Variants in MAPK10 observed in about 807,000 individuals in gnomAD.
The protein encoded by MAPK10 is mitogen-activated protein kinase 10, also known as JNK3 alpha protein kinase.
MAPK10 carries 25 observed loss-of-function variants against 59.3 expected under a neutral mutation model. The observed-to-expected ratio is 0.42, with a 90% CI of 0.31 to 0.59. The LOEUF (loss-of-function observed/expected upper bound fraction) is 0.59, where lower values mean the gene tolerates loss of function less well. Among genes scored for constraint, MAPK10 ranks in the 20% least tolerant of loss-of-function variants. MAPK10 has a pLI of 0.15. For missense variants in MAPK10, 351 were observed against 568.9 expected, an observed-to-expected ratio of 0.62 and a Z score of 3.90; for synonymous variants, 190 against 200.5, an observed-to-expected ratio of 0.95 and a Z score of 0.44.
intron 2 of MAPK10, chr4:86,326,880 T>C (rs1423873271): frequency 6.6e-6 from 1 of 152,220 alleles, no homozygotes; most frequent in African/African-American, 2.4e-5. Flanking sequence ...TTGTTCCTTG[T>C]TATATTACTT....
intron 9 of MAPK10, chr4:86,090,735 T>C (rs1433820442): frequency 1.3e-5 from 2 of 152,294 alleles, no homozygotes; most frequent in African/African-American, 4.8e-5. Flanking sequence ...TTGCTATTTA[T>C]GGATTATCTA....
In MAPK10 at chr4:86,017,478, T is replaced by C. The variant is rs890928466; in HGVS notation, c.1253-108A>G. The stretch of plus-strand genomic sequence containing the variant: ...AATACAATAGGGGATGTCCAGTCCA[T>C]CAATCATTTGGCAAGCCTTTATAGA... On this transcript the variant is annotated intron_variant, in intron 13 of 13. Coordinates refer to ENST00000641462, the MANE Select transcript of MAPK10 (RefSeq NM_138982.4). This position sits in a 1 kb window ranked among gnomAD's most constrained non-coding sequence, Gnocchi z 4.4. The C allele has an allele frequency of 6.4e-6, 8 of 1,244,060 alleles. No individual in the cohort carries two copies. The Admixed American group carries it at 1.2e-4, about 18-fold the overall frequency. 77.1% of individuals were successfully genotyped at this position (1,244,060 alleles called of 1,614,324 possible).
At chr4:86,268,164 T>G (rs983760466) in intron 2 of MAPK10, 1 of 152,182 alleles carries the variant, frequency 6.6e-6, no homozygotes, top group African/African-American at 2.4e-5. Flanking sequence ...TCTCTTTAAA[T>G]AGCCACATTA....
chr4:86,544,225 T>C (rs1758964573), intron 1 of MAPK10, among the ~76,000 whole-genome samples: 1 of 152,154 alleles, frequency 6.6e-6, no homozygotes. Context: ...ACTAGTATAA[T>C]AGCTAAGCAG....
intron 1 of MAPK10, among the ~76,000 whole-genome samples, chr4:86,499,227 G>A (rs1002749545): frequency 4.6e-5 from 7 of 152,086 alleles, no homozygotes; most frequent in Admixed American, 4.6e-4. Flanking sequence ...TAGAGCACAG[G>A]ATAAAAAGTT....
At chr4:86,462,159 C>T (rs1002920939) in intron 1 of MAPK10, among the ~76,000 whole-genome samples, 1 of 152,182 alleles carries the variant, frequency 6.6e-6, no homozygotes, top group East Asian at 1.9e-4. Context: ...CCTAGGGAAC[C>T]CCCACAAAAG....
At chr4:86,130,388 G>T (rs1199244425) in intron 4 of MAPK10, among the ~76,000 whole-genome samples, 1 of 151,934 alleles carries the variant, frequency 6.6e-6, no homozygotes, top group Non-Finnish European at 1.5e-5. Flanking sequence ...TGTACTCAAA[G>T]AACTATACCA....
chr4:86,107,099 A>T, intron 5 of MAPK10, 124 bp downstream of exon 5: 3 of 704,178 alleles, frequency 4.3e-6, no homozygotes, highest in Non-Finnish European at 7.1e-6. Flanking sequence ...TTGGCAGGAT[A>T]AACAATCTTA....
Position 86,359,836 on chromosome 4 carries a change from C to T in MAPK10, c.-300G>A. 3 of 985,628 alleles carry T rather than the reference C, an allele frequency of 3.0e-6. No homozygotes were observed. Among genetic ancestry groups the T allele is most frequent in the Non-Finnish European group, 3.6e-6 (3 of 829,926 alleles). The allele number at this position is 985,628 out of a possible 1,614,324, so 61.1% of individuals were successfully genotyped here. On this transcript the variant is annotated 5_prime_UTR_variant, in exon 1 of 14. The change creates a new upstream start codon in the 5' untranslated region. Transcript: ENST00000641462. ...CCAAGAAAACCCAATCTTAAACTCA[C>T]TCAAGCCCCTAGGAATTGAGGGGTG... is the stretch of plus-strand genomic sequence containing the variant.
chr4:86,360,021 C>A lies in MAPK10; in HGVS notation c.-485G>T. On this transcript the variant is annotated 5_prime_UTR_variant, in exon 1 of 14. An upstream start codon of the reference 5' UTR is lost. Coordinates refer to ENST00000641462, the MANE Select transcript of MAPK10 (RefSeq NM_138982.4). ...TCACCCTCTTTCACTGCCTGGAAAC[C>A]ATTGTGCAGCGTGATGCTGCCTGTA... The A allele has an allele frequency of 1.0e-6, 1 of 985,814 alleles. No individual in the cohort carries two copies. Among genetic ancestry groups the A allele is most frequent in the Non-Finnish European group, 1.2e-6 (1 of 829,956 alleles). 61.1% of individuals were successfully genotyped at this position (985,814 alleles called of 1,614,324 possible). A position where few individuals can be genotyped will look rare whatever the true frequency, so the allele number is the denominator to read the frequency against.
chr4:86,308,476 G>A (rs538767395), intron 2 of MAPK10, among the ~76,000 whole-genome samples: 11 of 152,148 alleles, frequency 7.2e-5, no homozygotes, highest in East Asian at 5.8e-4. Flanking sequence ...AAAAAGAAAA[G>A]GGGAAAAAAT....
At chr4:86,592,265 T>C (rs1036797994) in intron 1 of MAPK10, among the ~76,000 whole-genome samples, 1 of 152,124 alleles carries the variant, frequency 6.6e-6, no homozygotes, top group Admixed American at 6.5e-5. Context: ...TTTTAACAGA[T>C]TGTATTTTAA....
chr4:86,547,581 C>G (rs544916578), intron 1 of MAPK10, among the ~76,000 whole-genome samples: 1 of 152,196 alleles, frequency 6.6e-6, no homozygotes, highest in Non-Finnish European at 1.5e-5. Context: ...CCCCTAAGAG[C>G]GCCGCCCCCT....
chr4:86,227,661 C>G (rs2090891376), intron 2 of MAPK10, among the ~76,000 whole-genome samples: 1 of 152,038 alleles, frequency 6.6e-6, no homozygotes. Flanking sequence ...AAAATAATGG[C>G]ATTACTCACA....
chr4:86,451,580 G>A lies in MAPK10; in HGVS notation c.-122+1450C>T, dbSNP rs547308517. Among the ~76,000 whole-genome samples, 4 of 152,360 alleles carry A rather than the reference G, an allele frequency of 2.6e-5. No individual in the cohort carries two copies. In the East Asian group the frequency reaches 7.7e-4, roughly 29 times the overall value. Reference sequence around the variant, plus strand: ...TTAAGAAAAAGTGTTTCCAGGAGGAGTGGGAGTGGTACGGTGGGACCAGAA... The same window carrying A: ...TTAAGAAAAAGTGTTTCCAGGAGGAATGGGAGTGGTACGGTGGGACCAGAA... On this transcript the variant is annotated intron_variant, in intron 1 of 13. Coordinates refer to the MAPK10 transcript ENST00000361569.
intron 1 of MAPK10, among the ~76,000 whole-genome samples, chr4:86,518,647 T>G (rs554196318): frequency 2.0e-5 from 3 of 151,986 alleles, no homozygotes; most frequent in Admixed American, 6.6e-5. Context: ...TTTTTTTTCT[T>G]CTGCTGGGCT....
chr4:86,286,724 A>G (rs2095027319), intron 2 of MAPK10, among the ~76,000 whole-genome samples: 1 of 152,156 alleles, frequency 6.6e-6, no homozygotes, highest in Admixed American at 6.5e-5. Flanking sequence ...GCAGTGTGCA[A>G]TCCTCAAGTA....
At chr4:86,152,547 C>T (rs890516374) in intron 4 of MAPK10, 3 of 152,154 alleles carry the variant, frequency 2.0e-5, no homozygotes, top group Admixed American at 2.0e-4. Context: ...AGGGCTGTCA[C>T]TCCATCTTCC....
At chr4:86,168,492 G>A (rs889143091) in intron 3 of MAPK10, among the ~76,000 whole-genome samples, 8 of 152,320 alleles carry the variant, frequency 5.3e-5, no homozygotes, top group African/African-American at 1.7e-4. Context: ...ACTGCAAGGT[G>A]GCAGCGAGGC....
Sources: gnomAD v4.1 joint callset for allele counts (sites outside exome capture counted in the v4.1 genomes callset) on GRCh38, gnomAD v4.1.1 for gene constraint, Gnocchi (gnomAD v3.1) non-coding constraint, MANE v1.5 for transcripts, NCBI Gene and HGNC (gene_info 2026-07-23, HGNC 2026-07-21) for gene names.